TENM4: variants seen among roughly 807,000 people sequenced by gnomAD.
TENM4 encodes teneurin transmembrane protein 4.
Under a neutral mutation model 243.3 loss-of-function variants are expected in TENM4, and 82 were observed. The ratio of observed to expected loss-of-function variants is 0.34; its 90% confidence interval spans 0.28 to 0.40. TENM4 has a LOEUF of 0.40. Ranked by LOEUF, TENM4 falls within the 10% of genes least tolerant of loss-of-function variation. The pLI is 1.00. For synonymous variants in TENM4, 1,412 were observed against 1,456.3 expected (o/e 0.97, Z 0.69); for missense variants, 3,138 against 3,673.3 (o/e 0.85, Z 3.77).
intron 1 of TENM4, among the ~76,000 whole-genome samples, chr11:79,332,644 T>C (rs907468521): frequency 6.6e-6 from 1 of 152,214 alleles, no homozygotes; most frequent in Non-Finnish European, 1.5e-5. Flanking sequence ...TGTTTGGATA[T>C]CCAATGTTGT....
At chr11:78,758,880 A>C (rs1305098906) in intron 18 of TENM4, among the ~76,000 whole-genome samples, 3 of 152,160 alleles carry the variant, frequency 2.0e-5, no homozygotes, top group Non-Finnish European at 4.4e-5. Flanking sequence ...CAAGTTACTT[A>C]AACTCTCTGG....
intron 1 of TENM4, among the ~76,000 whole-genome samples, chr11:79,427,243 A>T (rs1018770605): frequency 6.6e-6 from 1 of 152,244 alleles, no homozygotes; most frequent in South Asian, 2.1e-4. Flanking sequence ...AGCTTTAAAA[A>T]GCTGCATTAT....
chr11:79,009,393 T>A (rs1353527329), intron 6 of TENM4, among the ~76,000 whole-genome samples: 1 of 152,090 alleles, frequency 6.6e-6, no homozygotes, highest in Non-Finnish European at 1.5e-5. Context: ...CCTCACCCCA[T>A]GTGCCCAGAA....
At chr11:79,262,762 A>G (rs1326246250) in intron 2 of TENM4, among the ~76,000 whole-genome samples, 1 of 152,214 alleles carries the variant, frequency 6.6e-6, no homozygotes, top group African/African-American at 2.4e-5. Flanking sequence ...GTGTGATCCT[A>G]GACACATTTC....
At chr11:78,923,148 C>G (rs113714812) in intron 6 of TENM4, among the ~76,000 whole-genome samples, 1 of 152,110 alleles carries the variant, frequency 6.6e-6, no homozygotes, top group Non-Finnish European at 1.5e-5. Context: ...GCCAGATTCA[C>G]GGGTGTGTGA....
At chr11:78,944,978 T>C (rs1856979600) in intron 6 of TENM4, among the ~76,000 whole-genome samples, 1 of 152,204 alleles carries the variant, frequency 6.6e-6, no homozygotes, top group South Asian at 2.1e-4. Flanking sequence ...AATCAAATTA[T>C]TTTCCTGTGA....
intron 12 of TENM4, among the ~76,000 whole-genome samples, chr11:78,821,491 T>C (rs575219140): frequency 6.6e-6 from 1 of 152,362 alleles, no homozygotes; most frequent in South Asian, 2.1e-4. Flanking sequence ...CTCTATTTTT[T>C]TATTACAATG....
intron 7 of TENM4, among the ~76,000 whole-genome samples, chr11:78,894,154 T>C (rs905594542): frequency 9.2e-5 from 14 of 152,198 alleles, no homozygotes; most frequent in African/African-American, 3.4e-4. Flanking sequence ...GGCATTCTGA[T>C]TGTTTCCTCC....
intron 1 of TENM4, among the ~76,000 whole-genome samples, chr11:79,350,612 T>TC (rs908816449): frequency 6.0e-5 from 9 of 150,218 alleles, no homozygotes; most frequent in African/African-American, 2.0e-4. Context: ...TCTTTTTTTT[T>TC]TTCCTTGGTA....
chr11:79,091,702 G>C (rs923904676), intron 4 of TENM4, among the ~76,000 whole-genome samples: 5 of 152,106 alleles, frequency 3.3e-5, no homozygotes, highest in Non-Finnish European at 5.9e-5. Context: ...TGACACTGAG[G>C]TCTGAAAAAC....
chr11:78,987,157 T>G (rs1857937544), intron 6 of TENM4, among the ~76,000 whole-genome samples: 1 of 152,238 alleles, frequency 6.6e-6, no homozygotes, highest in African/African-American at 2.4e-5. Flanking sequence ...TTTCGTATTC[T>G]CAGTCTACTT....
In TENM4 at chr11:78,814,370, G is replaced by A; in HGVS notation, c.1707C>T (p.Asn569=). 1.3e-6 allele frequency: 2 copies of A among 1,549,612 alleles called. No individual in the cohort carries two copies. The highest frequency in any genetic ancestry group is 2.7e-5 in the African/African-American group (2 of 72,926). The change falls in exon 13 of 34, where the codon AAC becomes AAT. Residue 569 remains asparagine (N), a synonymous_variant. Transcript: ENST00000278550. Reference sequence around the variant, plus strand: ...AGATGCAGTCACCATTGCCATAGCAGTTGCTGGGGCAGTTATCCACCGACT... The same window carrying A: ...AGATGCAGTCACCATTGCCATAGCAATTGCTGGGGCAGTTATCCACCGACT... ...AIESVDNCPS[N]CYGNGDCISG...
chr11:78,829,403 C>T (rs1204912356), intron 12 of TENM4, among the ~76,000 whole-genome samples: 1 of 152,126 alleles, frequency 6.6e-6, no homozygotes, highest in Admixed American at 6.5e-5. Flanking sequence ...GCTCTGGTTT[C>T]CTCACTTATC....
intron 1 of TENM4, among the ~76,000 whole-genome samples, chr11:79,351,323 G>A (rs1857411833): frequency 6.6e-6 from 1 of 152,100 alleles, no homozygotes; most frequent in Admixed American, 6.5e-5. Context: ...TAGAATGCAA[G>A]CTCCACAAGG....
rs768398217 is a variant in TENM4, at chr11:78,994,881, G to A, written c.493+69857C>T. ...TCTGTGTTCATTTCCACCATTCCCC[G>A]GATGCCTATTCTGTGCAAAACACTG... is the stretch of plus-strand genomic sequence containing the variant. On this transcript the variant is annotated intron_variant, in intron 6 of 33. Coordinates refer to ENST00000278550, the MANE Select transcript of TENM4 (RefSeq NM_001098816.3). Among the ~76,000 whole-genome samples the A allele has an allele frequency of 4.6e-5, 7 of 152,132 alleles. 1 individual carries two copies. The highest frequency in any genetic ancestry group is 6.5e-5 in the Admixed American group (1 of 15,276).
At chr11:79,204,731 G>T (rs764628694) in intron 3 of TENM4, among the ~76,000 whole-genome samples, 2 of 152,156 alleles carry the variant, frequency 1.3e-5, no homozygotes, top group African/African-American at 2.4e-5. Flanking sequence ...CATCCTATGC[G>T]CTCCTAGGGT....
intron 1 of TENM4, among the ~76,000 whole-genome samples, chr11:79,338,915 A>T (rs928875398): frequency 6.6e-6 from 1 of 152,236 alleles, no homozygotes; most frequent in African/African-American, 2.4e-5. Flanking sequence ...CTCAAGACCA[A>T]CATGGAAGTT....
chr11:79,377,861 A>G (rs1439556898), intron 1 of TENM4, among the ~76,000 whole-genome samples: 4 of 149,836 alleles, frequency 2.7e-5, no homozygotes, highest in Admixed American at 6.6e-5. Context: ...CAAAAAACAA[A>G]ACAAAATACA....
rs566554916 is a variant in TENM4 at position 79,323,441 on chromosome 11, G to T, written c.-320-25898C>A. Among the ~76,000 whole-genome samples the T allele has an allele frequency of 2.6e-5, 4 of 152,284 alleles. No homozygotes were observed. The East Asian group carries it at 7.7e-4, about 29-fold the overall frequency. ...ATCTGGTGATAATTCCCTGGGTTGG[G>T]GGACTCAGCAGCAAACTGGGCCTTT... is the stretch of plus-strand genomic sequence containing the variant. On this transcript the variant is annotated intron_variant, in intron 1 of 33. Transcript: ENST00000278550.
Sources: gnomAD v4.1 joint callset for allele counts (sites outside exome capture counted in the v4.1 genomes callset) on GRCh38, gnomAD v4.1.1 for gene constraint, MANE v1.5 for transcripts, NCBI Gene and HGNC (gene_info 2026-07-23, HGNC 2026-07-21) for gene names.